The following BAZ2B variants were observed in gnomAD, a reference collection of about 807,000 sequenced individuals.
BAZ2B encodes the protein bromodomain adjacent to zinc finger domain 2B.
A neutral mutation model predicts 246.0 loss-of-function variants in BAZ2B; 91 were observed. The ratio of observed to expected loss-of-function variants is 0.37; its 90% CI spans 0.31 to 0.44. The LOEUF (loss-of-function observed/expected upper bound fraction) is 0.44, where lower values mean the gene tolerates loss of function less well. Ranked by LOEUF, BAZ2B falls within the 20% of genes least tolerant of loss-of-function variation. BAZ2B has a pLI of 1.00. For missense variants in BAZ2B, 2,332 were observed against 2,533.7 expected, an observed-to-expected ratio of 0.92 and a Z score of 1.71; for synonymous variants, 855 against 860.0, an observed-to-expected ratio of 0.99 and a Z score of 0.10.
At chr2:159,673,248 CAT>C in the BAZ2B span, among the ~76,000 whole-genome samples, 1 of 152,076 alleles carries the variant, frequency 6.6e-6, no homozygotes, top group Non-Finnish European at 1.5e-5. Context: ...GGCTCTTAAA[CAT>C]ATGAAAATAC....
At chr2:159,447,015 T>C in intron 5 of BAZ2B, 40 bp from the exon 6 acceptor site, 1 of 1,376,540 alleles carries the variant, frequency 7.3e-7, no homozygotes. Flanking sequence ...AATGGAATAT[T>C]ATTGCATCAT....
intron 27 of BAZ2B, among the ~76,000 whole-genome samples, chr2:159,371,663 T>C (rs1348658449): frequency 6.6e-6 from 1 of 152,210 alleles, no homozygotes; most frequent in Non-Finnish European, 1.5e-5. Context: ...TCCAATCCAA[T>C]GCGTACTTTG....
chr2:159,397,576 T>C (rs903083729), intron 18 of BAZ2B, among the ~76,000 whole-genome samples, 187 bp from the exon 19 acceptor site: 4 of 152,220 alleles, frequency 2.6e-5, no homozygotes, highest in African/African-American at 9.6e-5. Flanking sequence ...ACCTAACAAA[T>C]ACTTACATAG....
chr2:159,364,471 C>T (rs2060019313), intron 27 of BAZ2B, among the ~76,000 whole-genome samples: 1 of 152,146 alleles, frequency 6.6e-6, no homozygotes, highest in East Asian at 1.9e-4. Context: ...TGGCTCACTG[C>T]AGCCTCGAAC....
intron 20 of BAZ2B, 73 bp from the exon 21 acceptor site, chr2:159,389,558 G>A (rs775533863): frequency 1.7e-4 from 224 of 1,285,704 alleles, no homozygotes; most frequent in Non-Finnish European, 2.2e-4. Flanking sequence ...GAATTATGTA[G>A]CAACATTGAA....
chr2:159,432,559 G>A (rs2071337566), intron 9 of BAZ2B, among the ~76,000 whole-genome samples, 198 bp downstream of exon 9: 1 of 152,134 alleles, frequency 6.6e-6, no homozygotes, highest in Non-Finnish European at 1.5e-5. Flanking sequence ...AATGTCAAAT[G>A]AATAACAAGC....
chr2:159,568,083 G>T (rs10192408), intron 1 of BAZ2B, among the ~76,000 whole-genome samples: 83,987 of 152,050 alleles, frequency 0.55, 23,952 homozygotes, highest in East Asian at 0.74. Context: ...CATTCACAAT[G>T]TTGTGGAACC....
intron 2 of BAZ2B, among the ~76,000 whole-genome samples, chr2:159,530,319 T>C (rs183069793): frequency 4.5e-4 from 69 of 152,320 alleles, no homozygotes; most frequent in African/African-American, 1.5e-3. Flanking sequence ...TTATTACTCT[T>C]CAGTATAGAT....
At chr2:159,479,326 T>G (rs1264200754) in intron 2 of BAZ2B, among the ~76,000 whole-genome samples, 1 of 152,206 alleles carries the variant, frequency 6.6e-6, no homozygotes, top group East Asian at 1.9e-4. Context: ...CTAATCATCT[T>G]TATTAATTTG....
rs578226019 is a variant in BAZ2B at position 159,390,969 on chromosome 2, C to A, written c.3076-1484G>T. On this transcript the variant is annotated intron_variant, in intron 20 of 36. Coordinates refer to ENST00000392783, the MANE Select transcript of BAZ2B (RefSeq NM_013450.4). ...GTTTCTGAGGGTTTGATTTTCAAAT[C>A]AAATTATTAGTTAATAGCCTGAAGT... Among the ~76,000 whole-genome samples, 10 of 152,170 alleles carry A rather than the reference C, an allele frequency of 6.6e-5. No homozygotes were observed. The South Asian group carries it at 2.1e-3, about 32-fold the overall frequency.
chr2:159,703,491 C>T, the BAZ2B span, among the ~76,000 whole-genome samples: 3 of 18,980 alleles, frequency 1.6e-4, no homozygotes, highest in African/African-American at 3.6e-4. Context: ...CTTCTACCCC[C>T]CGCAAAAAAA....
At chr2:159,556,802 C>T (rs2089195695) in intron 1 of BAZ2B, among the ~76,000 whole-genome samples, 2 of 152,110 alleles carry the variant, frequency 1.3e-5, no homozygotes, top group South Asian at 4.2e-4. Flanking sequence ...TGAGATGAGC[C>T]CTTAAATGTT....
the BAZ2B span, among the ~76,000 whole-genome samples, chr2:159,682,352 TG>T: frequency 6.6e-6 from 1 of 152,010 alleles, no homozygotes; most frequent in Non-Finnish European, 1.5e-5. Context: ...AGCTAATTTT[TG>T]TATTTTTTGT....
chr2:159,372,810 A>C (rs1312913791), intron 27 of BAZ2B, among the ~76,000 whole-genome samples: 1 of 152,230 alleles, frequency 6.6e-6, no homozygotes, highest in Non-Finnish European at 1.5e-5. Flanking sequence ...TGTCCACCAA[A>C]GAAAGAAAGA....
chr2:159,629,223 G>A, the BAZ2B span, among the ~76,000 whole-genome samples: 1 of 152,168 alleles, frequency 6.6e-6, no homozygotes, highest in Non-Finnish European at 1.5e-5. Context: ...TATACTGTTG[G>A]TGGGAGTGTA....
the BAZ2B span, among the ~76,000 whole-genome samples, chr2:159,636,150 T>C: frequency 6.6e-6 from 1 of 152,166 alleles, no homozygotes; most frequent in South Asian, 2.1e-4. Flanking sequence ...GACCCCCAAA[T>C]GGAACACCAA....
At chr2:159,614,831 A>G (rs1578982199) in intron 1 of BAZ2B, among the ~76,000 whole-genome samples, 1 of 152,328 alleles carries the variant, frequency 6.6e-6, no homozygotes, top group Middle Eastern at 3.4e-3. Context: ...AGAAAAATTA[A>G]GCAAAAAATT....
intron 31 of BAZ2B, among the ~76,000 whole-genome samples, chr2:159,340,510 A>G (rs2066472543): frequency 6.6e-6 from 1 of 152,204 alleles, no homozygotes; most frequent in Admixed American, 6.5e-5. Flanking sequence ...GTCAAAAGAC[A>G]AAGAATTCTG....
chr2:159,347,722 A>G, intron 30 of BAZ2B, 76 bp from the exon 31 acceptor site: 1 of 1,277,752 alleles, frequency 7.8e-7, no homozygotes, highest in Non-Finnish European at 1.1e-6. Flanking sequence ...CAGAAAGTGA[A>G]TAAAATTCTA....
Sources: allele counts gnomAD v4.1 joint callset (sites outside exome capture counted in the v4.1 genomes callset), GRCh38; gene constraint gnomAD v4.1.1; transcripts MANE v1.5; gene names NCBI Gene and HGNC (gene_info 2026-07-23, HGNC 2026-07-21).